HIF1A: variants seen among roughly 807,000 people sequenced by gnomAD.
The protein encoded by HIF1A is hypoxia-inducible factor 1-alpha.
In HIF1A, 24 loss-of-function variants were observed where a neutral mutation model predicts 92.7. That is an observed-to-expected ratio of 0.26 (90% confidence interval 0.19 to 0.36). The LOEUF (loss-of-function observed/expected upper bound fraction) is 0.36, where lower values mean the gene tolerates loss of function less well. Ranked by LOEUF, HIF1A falls within the 10% of genes least tolerant of loss-of-function variation. The pLI is 1.00. For missense variants in HIF1A, 799 were observed against 998.5 expected (o/e 0.80, Z 2.69); for synonymous variants, 319 against 338.7 (o/e 0.94, Z 0.64).
intron 7 of HIF1A, 77 bp downstream of exon 7, chr14:61,732,601 T>C (rs2044589870): frequency 3.5e-6 from 3 of 847,284 alleles, no homozygotes; most frequent in African/African-American, 1.7e-5. Context: ...GCTACCCATC[T>C]AATTCTCTGG....
chr14:61,720,499 T>C lies in HIF1A; in HGVS notation c.153T>C (p.Ser51=), dbSNP rs774840847. ...AGTTGCCACTTCCACATAATGTGAG[T>C]TCGCATCTTGATAAGGCCTCTGTGA... is the stretch of plus-strand genomic sequence containing the variant. ...AHQLPLPHNV[S]SHLDKASVMR... The change falls in exon 2 of 15, where the codon AGT becomes AGC. Residue 51 remains serine (S), a synonymous_variant. Coordinates refer to ENST00000337138, the MANE Select transcript of HIF1A (RefSeq NM_001530.4). The C allele has an allele frequency of 1.9e-6, 3 of 1,613,652 alleles. No homozygotes were observed. Among genetic ancestry groups the C allele is most frequent in the Non-Finnish European group, 2.5e-6 (3 of 1,179,756 alleles).
Position 61,741,163 on chromosome 14 carries a change from G to T in HIF1A, c.2068G>T (p.Val690Leu). Residue 690 changes from valine to leucine, a missense_variant, in exon 12 of 15, where the codon GTG (valine) becomes TTG (leucine). Coordinates refer to ENST00000337138, the MANE Select transcript of HIF1A (RefSeq NM_001530.4). Reference protein sequence around the residue: ...TEKSHPRSPNVLSVALSQRTT... With the variant: ...TEKSHPRSPNLLSVALSQRTT... ...AAAATCTCATCCAAGAAGCCCTAACGTGTTATCTGTCGCTTTGAGTCAAAG... is the reference window on the plus strand; with the variant it reads ...AAAATCTCATCCAAGAAGCCCTAACTTGTTATCTGTCGCTTTGAGTCAAAG... 6.2e-7 allele frequency: 1 copy of T among 1,604,340 alleles called. No homozygotes were observed. Among genetic ancestry groups the T allele is most frequent in the South Asian group, 1.1e-5 (1 of 89,022 alleles).
chr14:61,730,741 C>T (rs534037036), intron 6 of HIF1A, among the ~76,000 whole-genome samples: 3 of 152,180 alleles, frequency 2.0e-5, no homozygotes, highest in South Asian at 4.1e-4. Context: ...GAAGATTAGC[C>T]ACGTATTGAG....
intron 7 of HIF1A, 21 bp downstream of exon 7, chr14:61,732,545 C>A: frequency 7.3e-7 from 1 of 1,376,130 alleles, no homozygotes; most frequent in Non-Finnish European, 1.0e-6. Flanking sequence ...TGGAAGAACT[C>A]AGAGATATTC....
chr14:61,747,123 T>C lies in HIF1A; in HGVS notation c.*38T>C. The stretch of plus-strand genomic sequence containing the variant: ...TTTCATTCCTTTTTTTGGACACTGG[T>C]GGCTCATTACCTAAAGCAGTCTATT... On this transcript the variant is annotated 3_prime_UTR_variant, in exon 15 of 15. Transcript: ENST00000337138. The C allele has an allele frequency of 1.3e-6, 2 of 1,570,788 alleles. No homozygotes were observed. Among genetic ancestry groups the C allele is most frequent in the Non-Finnish European group, 1.7e-6 (2 of 1,156,002 alleles).
intron 4 of HIF1A, 88 bp downstream of exon 4, chr14:61,721,911 C>T (rs2044435210): frequency 3.4e-6 from 3 of 874,074 alleles, no homozygotes; most frequent in Non-Finnish European, 5.5e-6. Context: ...TGCTATTGTA[C>T]TTACCCAAGG....
intron 1 of HIF1A, among the ~76,000 whole-genome samples, chr14:61,714,244 C>G (rs985520978): frequency 6.6e-6 from 1 of 152,162 alleles, no homozygotes; most frequent in Non-Finnish European, 1.5e-5. Flanking sequence ...GGTTAGTAAA[C>G]AGTCTTATGC....
chr14:61,733,482 T>A (rs537289723), intron 7 of HIF1A, among the ~76,000 whole-genome samples: 12 of 152,350 alleles, frequency 7.9e-5, no homozygotes, highest in African/African-American at 2.6e-4. Flanking sequence ...AGTTAAACTT[T>A]GGACTATCTC....
Position 61,695,763 on chromosome 14 carries a change from G to A in HIF1A, c.-42G>A, listed in dbSNP as rs980365625. On this transcript the variant is annotated 5_prime_UTR_variant, in exon 1 of 15. Coordinates refer to ENST00000337138, the MANE Select transcript of HIF1A (RefSeq NM_001530.4). ...CCAGCGCTTAGGCCGGAGCGAGCCT[G>A]GGGGCCGCCCGCCGTGAAGACATCG... The A allele has an allele frequency of 1.9e-6, 3 of 1,569,932 alleles. No individual in the cohort carries two copies. The highest frequency in any genetic ancestry group is 3.8e-5 in the Admixed American group (2 of 52,124).
chr14:61,737,173 A>C (rs1485555582), intron 9 of HIF1A, 64 bp downstream of exon 9: 1 of 1,109,240 alleles, frequency 9.0e-7, no homozygotes, highest in African/African-American at 1.5e-5. Flanking sequence ...ATTTCAACTA[A>C]ACATTACTTT....
intron 1 of HIF1A, among the ~76,000 whole-genome samples, chr14:61,701,821 C>G (rs1409150787): frequency 6.6e-6 from 1 of 151,950 alleles, no homozygotes; most frequent in Non-Finnish European, 1.5e-5. Flanking sequence ...AACCCCATCT[C>G]TACTAAAAAT....
In HIF1A at chr14:61,741,058, ACAT is replaced by A. The variant is rs1400472278; in HGVS notation, c.1969_1971del (p.Ser657del). On this transcript the variant is annotated inframe_deletion, in exon 12 of 15. Transcript: ENST00000337138. ...CATACATAAAGAAACTACTAGTGCC[ACAT>A]CATCACCATATAGAGATACTCAAAG... The A allele has an allele frequency of 1.2e-6, 2 of 1,614,064 alleles. No individual in the cohort carries two copies. The highest frequency in any genetic ancestry group is 1.3e-5 in the African/African-American group (1 of 75,064).
intron 6 of HIF1A, among the ~76,000 whole-genome samples, chr14:61,730,044 A>T (rs941877000): frequency 2.0e-5 from 3 of 152,208 alleles, no homozygotes; most frequent in African/African-American, 7.2e-5. Flanking sequence ...ACTGAGTAAT[A>T]ATCATTTAAA....
chr14:61,738,020 C>CT, intron 9 of HIF1A, 67 bp from the exon 10 acceptor site: 3 of 1,322,944 alleles, frequency 2.3e-6, no homozygotes, highest in East Asian at 4.8e-5. Context: ...GAGCAAGACT[C>CT]TGTCTTGGGT....
chr14:61,720,302 A>G (rs1301203227), intron 1 of HIF1A, 80 bp from the exon 2 acceptor site: 1 of 966,858 alleles, frequency 1.0e-6, no homozygotes, highest in Non-Finnish European at 1.5e-6. Context: ...ATAAGCAGAA[A>G]TGTAAAGTTT....
intron 1 of HIF1A, among the ~76,000 whole-genome samples, chr14:61,702,458 T>C (rs987828353): frequency 6.8e-6 from 1 of 147,706 alleles, no homozygotes; most frequent in Non-Finnish European, 1.5e-5. Flanking sequence ...AAAAAAAAAA[T>C]TAAAAAGAAT....
intron 12 of HIF1A, among the ~76,000 whole-genome samples, 190 bp from the exon 13 acceptor site, chr14:61,744,515 C>A (rs199894293): frequency 3.1e-3 from 406 of 130,642 alleles, no homozygotes; most frequent in South Asian, 3.9e-3. Flanking sequence ...CGTGTTTCAC[C>A]AAAAAAAAAA....
chr14:61,720,670 T>A, intron 2 of HIF1A, 98 bp downstream of exon 2: 1 of 699,014 alleles, frequency 1.4e-6, no homozygotes, highest in Non-Finnish European at 2.3e-6. Flanking sequence ...TTTGATTTTG[T>A]ATACCTCTTT....
At chr14:61,712,089 G>A (rs1339642902) in intron 1 of HIF1A, among the ~76,000 whole-genome samples, 1 of 152,184 alleles carries the variant, frequency 6.6e-6, no homozygotes, top group East Asian at 1.9e-4. Context: ...AGTAAGATAT[G>A]TACTTAGGCT....
Sources: allele counts gnomAD v4.1 joint callset (sites outside exome capture counted in the v4.1 genomes callset), GRCh38; gene constraint gnomAD v4.1.1; transcripts MANE v1.5; gene names NCBI Gene and HGNC (gene_info 2026-07-23, HGNC 2026-07-21).